The following THADA variants were observed in gnomAD, a reference collection of about 807,000 sequenced individuals.
THADA encodes THADA armadillo repeat containing.
Under a neutral mutation model 219.8 loss-of-function variants are expected in THADA, and 213 were observed. The ratio of observed to expected loss-of-function variants is 0.97; its 90% CI spans 0.87 to 1.09. The LOEUF is 1.09. THADA is among the 50% of genes least tolerant of loss of function. The probability of loss-of-function intolerance (pLI) is 0.00; values close to 1 mark genes in which losing one functional copy is unlikely to be tolerated. For synonymous variants in THADA, 1,018 were observed against 828.9 expected (o/e 1.23, Z -3.92); for missense variants, 2,956 against 2,311.3 (o/e 1.28, Z -5.72).
chr2:43,486,296 GATA>G (rs1198455158), intron 25 of THADA: 1 of 152,148 alleles, frequency 6.6e-6, no homozygotes, highest in Non-Finnish European at 1.5e-5. Context: ...TCTCCAAGAT[GATA>G]ATAATCTTTT....
intron 1 of THADA, among the ~76,000 whole-genome samples, chr2:43,594,976 T>C (rs1420735019): frequency 6.6e-6 from 1 of 152,260 alleles, no homozygotes; most frequent in Non-Finnish European, 1.5e-5. Flanking sequence ...ATTTGTATAT[T>C]GTCTGTCTCA....
intron 17 of THADA, 92 bp downstream of exon 17, chr2:43,556,253 C>T: frequency 6.6e-7 from 1 of 1,525,818 alleles, no homozygotes; most frequent in Non-Finnish European, 8.8e-7. Context: ...AATAAAAAAC[C>T]ACAAAATATA....
chr2:43,478,780 T>G (rs890591679), intron 26 of THADA, among the ~76,000 whole-genome samples: 1 of 152,214 alleles, frequency 6.6e-6, no homozygotes, highest in Admixed American at 6.5e-5. Context: ...TTCAAGTTCA[T>G]GAAAACATTT....
intron 28 of THADA, among the ~76,000 whole-genome samples, chr2:43,419,950 T>G (rs1281525689): frequency 1.3e-5 from 2 of 152,230 alleles, no homozygotes; most frequent in Non-Finnish European, 2.9e-5. Context: ...AGCAAACCAT[T>G]TATTTTGTGA....
chr2:43,366,266 C>T (rs1007032320), intron 29 of THADA, among the ~76,000 whole-genome samples: 4 of 151,934 alleles, frequency 2.6e-5, no homozygotes, highest in African/African-American at 7.2e-5. Context: ...AGTAAAATAC[C>T]GACCAATAAA....
intron 31 of THADA, among the ~76,000 whole-genome samples, chr2:43,302,286 C>T (rs1676354833): frequency 6.6e-6 from 1 of 152,058 alleles, no homozygotes; most frequent in Admixed American, 6.6e-5. Context: ...CCCCATCGTA[C>T]TTTTCCTAAG....
chr2:43,339,129 G>C (rs1196462806), intron 30 of THADA, among the ~76,000 whole-genome samples: 1 of 152,086 alleles, frequency 6.6e-6, no homozygotes, highest in African/African-American at 2.4e-5. Flanking sequence ...ATTGTGGTAA[G>C]AATAGACTTT....
intron 7 of THADA, 122 bp from the exon 8 acceptor site, chr2:43,582,050 T>C (rs1188191690): frequency 1.4e-6 from 1 of 707,826 alleles, no homozygotes; most frequent in East Asian, 2.9e-5. Flanking sequence ...TTATGATAAT[T>C]TATTCCTCTC....
intron 29 of THADA, among the ~76,000 whole-genome samples, chr2:43,376,824 T>A (rs950479095): frequency 1.3e-5 from 2 of 152,218 alleles, no homozygotes; most frequent in African/African-American, 4.8e-5. Context: ...TTAAGATTCA[T>A]GGGGTCTGGC....
intron 31 of THADA, among the ~76,000 whole-genome samples, chr2:43,316,388 AAAAT>A (rs1279279036): frequency 6.6e-6 from 1 of 152,244 alleles, no homozygotes; most frequent in Non-Finnish European, 1.5e-5. Context: ...GATGAATGAA[AAAAT>A]AAATAAACAA....
intron 28 of THADA, among the ~76,000 whole-genome samples, chr2:43,404,785 C>G (rs1168054933): frequency 6.6e-6 from 1 of 152,144 alleles, no homozygotes; most frequent in Non-Finnish European, 1.5e-5. Flanking sequence ...TGAGTTCTGA[C>G]ACTTACTAGT....
At chr2:43,257,931 G>T (rs1670511103) in intron 36 of THADA, among the ~76,000 whole-genome samples, 1 of 152,168 alleles carries the variant, frequency 6.6e-6, no homozygotes, top group Non-Finnish European at 1.5e-5. Flanking sequence ...GAAGCCAGTG[G>T]GAGGAAGGGG....
chr2:43,428,684 C>A (rs1403280117), intron 27 of THADA, among the ~76,000 whole-genome samples: 1 of 151,648 alleles, frequency 6.6e-6, no homozygotes, highest in African/African-American at 2.4e-5. Context: ...TTTCTACGTT[C>A]ACTTCTTATC....
chr2:43,367,290 C>A lies in THADA; in HGVS notation c.4228-23053G>T, dbSNP rs545701187. ...AATGTGACCACACAACATTACTAAA[C>A]TGTGCACTTAAAAATGGTTAAGATA... On this transcript the variant is annotated intron_variant, in intron 29 of 37. Coordinates refer to ENST00000405975, the MANE Select transcript of THADA (RefSeq NM_022065.5). 4.6e-5 allele frequency among the ~76,000 whole-genome samples: 7 copies of A among 152,278 alleles called. No homozygotes were observed. In the South Asian group the frequency reaches 1.5e-3, roughly 32 times the overall value.
intron 31 of THADA, among the ~76,000 whole-genome samples, chr2:43,300,887 AG>A (rs1676185195): frequency 6.6e-6 from 1 of 152,172 alleles, no homozygotes; most frequent in Admixed American, 6.5e-5. Flanking sequence ...CTCACCCCAG[AG>A]TTTCTGATTC....
chr2:43,548,918 C>T (rs1189657925), intron 20 of THADA, among the ~76,000 whole-genome samples: 8 of 152,172 alleles, frequency 5.3e-5, no homozygotes, highest in East Asian at 1.9e-4. Flanking sequence ...GAGATGAACC[C>T]GGTACCTCAG....
intron 36 of THADA, among the ~76,000 whole-genome samples, chr2:43,263,599 G>A (rs998660309): frequency 2.6e-5 from 4 of 152,132 alleles, no homozygotes; most frequent in Non-Finnish European, 4.4e-5. Context: ...GTCCTCAAGT[G>A]ACAGTCTGTT....
intron 26 of THADA, among the ~76,000 whole-genome samples, chr2:43,452,785 T>A (rs1682503267): frequency 6.6e-6 from 1 of 152,214 alleles, no homozygotes; most frequent in Non-Finnish European, 1.5e-5. Flanking sequence ...AATCTAATCA[T>A]CTGCTGTTAC....
chr2:43,271,133 G>A (rs1158559559), intron 36 of THADA, among the ~76,000 whole-genome samples: 1 of 152,194 alleles, frequency 6.6e-6, no homozygotes, highest in Non-Finnish European at 1.5e-5. Flanking sequence ...GTATCCACCT[G>A]CTGGGCACTT....
Sources: allele counts gnomAD v4.1 joint callset (sites outside exome capture counted in the v4.1 genomes callset), GRCh38; gene constraint gnomAD v4.1.1; transcripts MANE v1.5; gene names NCBI Gene and HGNC (gene_info 2026-07-23, HGNC 2026-07-21).